The following KAT6B variants were observed in gnomAD, a reference collection of about 807,000 sequenced individuals.
KAT6B encodes lysine acetyltransferase 6B.
Under a neutral mutation model 187.5 loss-of-function variants are expected in KAT6B, and 10 were observed. That is an observed-to-expected ratio of 0.05 (90% confidence interval 0.03 to 0.09). KAT6B has a LOEUF of 0.09. Ranked by LOEUF, KAT6B falls within the 10% of genes least tolerant of loss-of-function variation. The pLI, the probability that KAT6B is intolerant of heterozygous loss-of-function variation, is 1.00. For synonymous variants in KAT6B, 861 were observed against 926.8 expected, an observed-to-expected ratio of 0.93 and a Z score of 1.29; for missense variants, 1,952 against 2,558.9, an observed-to-expected ratio of 0.76 and a Z score of 5.12.
At chr10:75,018,920 G>T (rs1168902394) in intron 13 of KAT6B, among the ~76,000 whole-genome samples, 2 of 152,164 alleles carry the variant, frequency 1.3e-5, no homozygotes, top group African/African-American at 4.8e-5. Context: ...AGCCTCCTGG[G>T]TACGTTTCTC....
At chr10:74,849,885 A>G (rs1324155509) in intron 3 of KAT6B, among the ~76,000 whole-genome samples, 1 of 151,834 alleles carries the variant, frequency 6.6e-6, no homozygotes, top group East Asian at 1.9e-4. Context: ...TTCTGACGAG[A>G]CAGTCTGACC....
At chr10:75,007,089 G>GA (rs1844260488) in intron 13 of KAT6B, among the ~76,000 whole-genome samples, 2 of 146,842 alleles carry the variant, frequency 1.4e-5, no homozygotes. Flanking sequence ...AAAAAGAAAA[G>GA]AAAATGACAG....
intron 12 of KAT6B, among the ~76,000 whole-genome samples, chr10:74,988,570 G>T (rs1364053640): frequency 2.6e-5 from 4 of 152,192 alleles, no homozygotes; most frequent in Admixed American, 2.0e-4. Context: ...TGGGACATTT[G>T]CCCAAAGGCA....
chr10:74,989,525 T>C (rs1843001500), intron 13 of KAT6B, among the ~76,000 whole-genome samples: 1 of 152,252 alleles, frequency 6.6e-6, no homozygotes, highest in Non-Finnish European at 1.5e-5. Flanking sequence ...AGAAAAGGTA[T>C]ATTTCCATTT....
intron 3 of KAT6B, among the ~76,000 whole-genome samples, chr10:74,846,025 G>A (rs910782346): frequency 3.3e-5 from 5 of 151,674 alleles, no homozygotes; most frequent in South Asian, 2.1e-4. Flanking sequence ...CACCACGCCC[G>A]GCTAATTTTT....
intron 3 of KAT6B, among the ~76,000 whole-genome samples, chr10:74,885,114 C>A (rs1397516684): frequency 3.3e-5 from 5 of 151,924 alleles, no homozygotes; most frequent in Non-Finnish European, 7.4e-5. Context: ...GTTACCCAGG[C>A]CGGAGTGCAG....
At position 74,976,259 on chromosome 10, in the gene KAT6B, C is replaced by T. The variant is rs1485183108; in HGVS notation, c.1922C>T (p.Pro641Leu). Residue 641 changes from proline to leucine, a missense_variant, in exon 8 of 18, where the codon CCT (proline) becomes CTT (leucine). Physicochemically the swap from Pro to Leu is moderately conservative, Grantham distance 98. Around this residue, in one of 9 missense-constraint regions of KAT6B, gnomAD observed 417 missense variants for 508.9 expected, o/e 0.82. Coordinates refer to ENST00000287239, the MANE Select transcript of KAT6B (RefSeq NM_012330.4). ...GGCAGATTAAAATATAAAGTGACCC[C>T]TCAGATGGGGACCCCCTCACCAGGG... ...MLGRLKYKVT[P>L]QMGTPSPGKG... The T allele has an allele frequency of 1.9e-6, 3 of 1,613,988 alleles. No individual in the cohort carries two copies. The highest frequency in any genetic ancestry group is 2.7e-5 in the African/African-American group (2 of 74,902).
chr10:75,012,973 G>A (rs1216230285), intron 13 of KAT6B, among the ~76,000 whole-genome samples: 1 of 152,110 alleles, frequency 6.6e-6, no homozygotes, highest in Non-Finnish European at 1.5e-5. Flanking sequence ...CAGCAGTGGA[G>A]GTCTGCTGAG....
rs1472018114 is a variant in KAT6B, at chr10:75,025,022, C to T, written c.3437C>T (p.Thr1146Ile). The part of the protein sequence containing the change: ...KRRRINSSVT[T>I]ETISETTEVL... Reference sequence around the variant, plus strand: ...AGGAGGATCAACAGCAGTGTAACAACAGAGACCATTTCAGAGACGACAGAA... The same window carrying T: ...AGGAGGATCAACAGCAGTGTAACAATAGAGACCATTTCAGAGACGACAGAA... Residue 1146 changes from threonine to isoleucine, a missense_variant, in exon 17 of 18, where the codon ACA (threonine) becomes ATA (isoleucine). Around this residue, in one of 9 missense-constraint regions of KAT6B, gnomAD observed 758 missense variants for 891.4 expected, o/e 0.85. Transcript: ENST00000287239. 1 of 1,614,190 alleles carries T rather than the reference C, an allele frequency of 6.2e-7. No individual in the cohort carries two copies.
chr10:74,942,210 T>G (rs1037441914), intron 3 of KAT6B, among the ~76,000 whole-genome samples: 1 of 152,082 alleles, frequency 6.6e-6, no homozygotes, highest in African/African-American at 2.4e-5. Flanking sequence ...GGAACATTCC[T>G]CATGAACATA....
chr10:75,017,330 A>G (rs1040787684), intron 13 of KAT6B, among the ~76,000 whole-genome samples: 14 of 152,186 alleles, frequency 9.2e-5, no homozygotes, highest in Admixed American at 4.6e-4. Flanking sequence ...TTATGTTGTG[A>G]AGAGCCTAGA....
intron 13 of KAT6B, among the ~76,000 whole-genome samples, chr10:75,020,204 A>T (rs1294845033): frequency 2.0e-5 from 3 of 152,232 alleles, no homozygotes; most frequent in Admixed American, 6.5e-5. Context: ...TGGTCCCTCG[A>T]CAGGATTTCT....
rs112845282 is a variant in KAT6B at position 75,025,082 on chromosome 10, A to G, written c.3497A>G (p.Glu1166Gly). The change falls in exon 17 of 18, where the codon GAG (glutamate) becomes GGG (glycine). Residue 1166 changes from glutamate to glycine, a missense_variant. Transcript: ENST00000287239. ...LNEPFDNSDE[E>G]RPMPQLEPTC... ...GAGCCCTTTGACAACTCAGATGAAG[A>G]GAGGCCAATGCCACAGCTGGAGCCT... 1.2e-6 allele frequency: 2 copies of G among 1,614,254 alleles called. No homozygotes were observed. The highest frequency in any genetic ancestry group is 1.1e-5 in the South Asian group (1 of 91,086).
intron 3 of KAT6B, among the ~76,000 whole-genome samples, chr10:74,912,371 GGATGGATAGATAGATA>G (rs1847287287): frequency 1.6e-5 from 1 of 62,888 alleles, no homozygotes; most frequent in African/African-American, 5.7e-5. Context: ...TTAAATGGAT[GGATGGATAGATAGATA>G]GATAGATAGA....
intron 3 of KAT6B, among the ~76,000 whole-genome samples, chr10:74,884,653 C>T (rs1396074737): frequency 6.6e-6 from 1 of 152,140 alleles, no homozygotes; most frequent in Admixed American, 6.5e-5. Context: ...ACTGCAACAC[C>T]TGCTTCCTGG....
intron 3 of KAT6B, among the ~76,000 whole-genome samples, chr10:74,918,714 A>G (rs1426597856): frequency 1.3e-5 from 2 of 151,890 alleles, no homozygotes; most frequent in Non-Finnish European, 2.9e-5. Flanking sequence ...TTGCACTCCA[A>G]CCTGGGTGAC....
chr10:74,885,477 T>C (rs1845172189), intron 3 of KAT6B, among the ~76,000 whole-genome samples: 1 of 152,220 alleles, frequency 6.6e-6, no homozygotes, highest in South Asian at 2.1e-4. Flanking sequence ...ATAATATTGC[T>C]ATTAGGCCAA....
At chr10:75,004,311 T>A (rs559587603) in intron 13 of KAT6B, among the ~76,000 whole-genome samples, 3 of 152,148 alleles carry the variant, frequency 2.0e-5, no homozygotes, top group Non-Finnish European at 2.9e-5. Flanking sequence ...AATAAAGGAT[T>A]GTTGGGGGAA....
At chr10:74,838,463 C>T (rs1433999073) in intron 1 of KAT6B, among the ~76,000 whole-genome samples, 1 of 152,106 alleles carries the variant, frequency 6.6e-6, no homozygotes, top group Non-Finnish European at 1.5e-5. Context: ...AAATTTACTT[C>T]TATAGGCACT....
Sources: gnomAD v4.1 joint callset for allele counts (sites outside exome capture counted in the v4.1 genomes callset) on GRCh38, gnomAD v4.1.1 for gene constraint, gnomAD v4.1.1 regional missense constraint, MANE v1.5 for transcripts, NCBI Gene and HGNC (gene_info 2026-07-23, HGNC 2026-07-21) for gene names.